SHOC1: variants seen among roughly 807,000 people sequenced by gnomAD.
SHOC1 encodes the protein protein shortage in chiasmata 1 ortholog.
In SHOC1, 136 loss-of-function variants were observed where a neutral mutation model predicts 179.2. The observed-to-expected ratio is 0.76, with a 90% CI of 0.66 to 0.87. The LOEUF (loss-of-function observed/expected upper bound fraction) is 0.87, where lower values mean the gene tolerates loss of function less well. Ranked by LOEUF, SHOC1 falls within the 40% of genes least tolerant of loss-of-function variation. The pLI, the probability that SHOC1 is intolerant of heterozygous loss-of-function variation, is 0.00. For missense variants in SHOC1, 1,538 were observed against 1,700.8 expected (o/e 0.90, Z 1.68); for synonymous variants, 489 against 586.6 (o/e 0.83, Z 2.41).
intron 8 of SHOC1, among the ~76,000 whole-genome samples, chr9:111,756,015 G>A (rs1454163817): frequency 2.0e-5 from 3 of 151,940 alleles, no homozygotes; most frequent in Non-Finnish European, 4.4e-5. Flanking sequence ...CCAGCTACTC[G>A]GGAGGCTGAG....
chr9:111,723,967 G>T (rs1259352483), intron 13 of SHOC1, 56 bp from the exon 14 acceptor site: 2 of 1,284,686 alleles, frequency 1.6e-6, no homozygotes, highest in Admixed American at 5.4e-5. Flanking sequence ...ACTTAATGTT[G>T]TTTTACCTTA....
Position 111,722,407 on chromosome 9 carries a change from A to G in SHOC1, c.2131+2T>C. On this transcript the variant is annotated splice_donor_variant, in intron 15 of 27. Coordinates refer to ENST00000682961, the MANE Select transcript of SHOC1 (RefSeq NM_001378211.1). LOFTEE classifies it high-confidence loss of function. ...AATAACGTGACTTTTATTTGTACTC[A>G]CCTTGGCGAACAGCATCACTTACTA... The G allele has an allele frequency of 6.3e-7, 1 of 1,585,158 alleles. No individual in the cohort carries two copies. The highest frequency in any genetic ancestry group is 1.2e-5 in the South Asian group (1 of 85,224).
At chr9:111,751,770 G>A (rs1319605439) in intron 8 of SHOC1, among the ~76,000 whole-genome samples, 1 of 152,078 alleles carries the variant, frequency 6.6e-6, no homozygotes, top group Non-Finnish European at 1.5e-5. Flanking sequence ...ACATATATTA[G>A]TTCTCCCCTC....
chr9:111,790,303 C>T (rs528323535), intron 2 of SHOC1, among the ~76,000 whole-genome samples: 26 of 152,102 alleles, frequency 1.7e-4, no homozygotes, highest in Admixed American at 8.5e-4. Flanking sequence ...TACTTTTGCA[C>T]CACCCTAATA....
chr9:111,693,021 A>G (rs1468805812), intron 26 of SHOC1, among the ~76,000 whole-genome samples: 1 of 152,184 alleles, frequency 6.6e-6, no homozygotes, highest in Non-Finnish European at 1.5e-5. Flanking sequence ...AATGTATAAT[A>G]TAGGCTGGGG....
chr9:111,782,711 G>A (rs1163131895), intron 3 of SHOC1, among the ~76,000 whole-genome samples: 1 of 149,556 alleles, frequency 6.7e-6, no homozygotes, highest in South Asian at 2.1e-4. Context: ...CACAGATGAG[G>A]TCTAAAAAAA....
chr9:111,790,861 A>C (rs1275863384), intron 2 of SHOC1, among the ~76,000 whole-genome samples: 1 of 152,200 alleles, frequency 6.6e-6, no homozygotes, highest in Non-Finnish European at 1.5e-5. Context: ...TGGCATTTTA[A>C]AGACATTAAA....
chr9:111,751,148 T>C (rs943789603), intron 8 of SHOC1, among the ~76,000 whole-genome samples: 5 of 152,176 alleles, frequency 3.3e-5, no homozygotes, highest in African/African-American at 1.2e-4. Flanking sequence ...GAAGATCAGA[T>C]GGTTGTAGGT....
chr9:111,752,082 T>A (rs1589442453), intron 8 of SHOC1, among the ~76,000 whole-genome samples: 1 of 152,334 alleles, frequency 6.6e-6, no homozygotes, highest in East Asian at 1.9e-4. Context: ...TTCCCATTTT[T>A]ACAGCTTTTC....
chr9:111,775,381 G>C (rs1017988528), intron 5 of SHOC1, among the ~76,000 whole-genome samples: 1 of 152,014 alleles, frequency 6.6e-6, no homozygotes, highest in African/African-American at 2.4e-5. Context: ...TCTCCACTTT[G>C]AACCTTGGTT....
chr9:111,770,819 A>G (rs1401210709), intron 5 of SHOC1, among the ~76,000 whole-genome samples: 1 of 152,068 alleles, frequency 6.6e-6, no homozygotes, highest in African/African-American at 2.4e-5. Context: ...AGTCTATTTT[A>G]TATAAGTATA....
At chr9:111,687,915 G>C (rs1225080914) in intron 27 of SHOC1, among the ~76,000 whole-genome samples, 2 of 151,998 alleles carry the variant, frequency 1.3e-5, no homozygotes, top group African/African-American at 4.8e-5. Context: ...ATGTGTTTAG[G>C]AATCTATCTG....
In SHOC1 at chr9:111,746,157, C is replaced by T. The variant is rs866948276; in HGVS notation, c.1079+77G>A. The stretch of plus-strand genomic sequence containing the variant: ...TTTCATAGAGGTATCTTGGAAATTG[C>T]TTTTATATGGAGAGATTTAAATAAA... On this transcript the variant is annotated intron_variant, in intron 10 of 27. Coordinates refer to ENST00000682961, the MANE Select transcript of SHOC1 (RefSeq NM_001378211.1). The T allele has an allele frequency of 9.4e-6, 9 of 955,158 alleles. No homozygotes were observed. The Middle Eastern group carries it at 7.7e-4, about 81-fold the overall frequency. 59.2% of individuals were successfully genotyped at this position (955,158 alleles called of 1,614,324 possible). A position where few individuals can be genotyped will look rare whatever the true frequency, so the allele number is the denominator to read the frequency against.
rs760899831 is a variant in SHOC1 at position 111,686,747 on chromosome 9, T to C, written c.*23A>G. On this transcript the variant is annotated 3_prime_UTR_variant, in exon 28 of 28. Coordinates refer to ENST00000682961, the MANE Select transcript of SHOC1 (RefSeq NM_001378211.1). Reference sequence around the variant, plus strand: ...GCATCAAAAACAGTGGAATATGGCATGTAACATTGCTCTTCTCCTCCTTCA... The same window carrying C: ...GCATCAAAAACAGTGGAATATGGCACGTAACATTGCTCTTCTCCTCCTTCA... 7.5e-6 allele frequency: 11 copies of C among 1,475,878 alleles called. No homozygotes were observed. The highest frequency in any genetic ancestry group is 1.0e-5 in the Non-Finnish European group (11 of 1,055,634). The allele number at this position is 1,475,878 out of a possible 1,614,324, so 91.4% of individuals were successfully genotyped here. A position where few individuals can be genotyped will look rare whatever the true frequency, so the allele number is the denominator to read the frequency against.
At chr9:111,791,272 C>G in intron 2 of SHOC1, 102 bp downstream of exon 2, 4 of 539,740 alleles carry the variant, frequency 7.4e-6, no homozygotes, top group Non-Finnish European at 1.2e-5. Context: ...ACTTTTGATC[C>G]TAAGCATTTC....
At chr9:111,703,633 G>A (rs1005290711) in intron 22 of SHOC1, among the ~76,000 whole-genome samples, 1 of 151,790 alleles carries the variant, frequency 6.6e-6, no homozygotes, top group Non-Finnish European at 1.5e-5. Context: ...CTTAAAATAG[G>A]TTAATATACA....
chr9:111,715,898 T>C (rs934797062), intron 16 of SHOC1, among the ~76,000 whole-genome samples: 1 of 152,110 alleles, frequency 6.6e-6, no homozygotes, highest in African/African-American at 2.4e-5. Context: ...AGAGAAACGC[T>C]ATTATTTGAA....
At chr9:111,704,993 A>AT (rs1479828551) in intron 21 of SHOC1, among the ~76,000 whole-genome samples, 1 of 152,112 alleles carries the variant, frequency 6.6e-6, no homozygotes, top group Non-Finnish European at 1.5e-5. Flanking sequence ...TGTCCATAAA[A>AT]TTGATATTAC....
At chr9:111,688,423 C>A (rs1160743311) in intron 27 of SHOC1, among the ~76,000 whole-genome samples, 1 of 151,992 alleles carries the variant, frequency 6.6e-6, no homozygotes, top group Non-Finnish European at 1.5e-5. Context: ...TCCACATGTG[C>A]AATTATAAAG....
Sources: gnomAD v4.1 joint callset for allele counts (sites outside exome capture counted in the v4.1 genomes callset) on GRCh38, gnomAD v4.1.1 for gene constraint, MANE v1.5 for transcripts, NCBI Gene and HGNC (gene_info 2026-07-23, HGNC 2026-07-21) for gene names.